Variants in DYM observed in about 807,000 individuals in gnomAD.
DYM encodes the protein dyggve-Melchior-Clausen syndrome protein.
Under a neutral mutation model 93.1 loss-of-function variants are expected in DYM, and 78 were observed. That is an observed-to-expected ratio of 0.84 (90% CI 0.70 to 1.01). The LOEUF is 1.01. DYM is among the 50% of genes least tolerant of loss of function. DYM has a pLI of 0.00. For missense variants in DYM, 789 were observed against 845.0 expected (o/e 0.93, Z 0.82); for synonymous variants, 321 against 319.7 (o/e 1.00, Z -0.04).
chr18:49,163,653 A>T, intron 15 of DYM, 32 bp downstream of exon 15: 1 of 1,530,186 alleles, frequency 6.5e-7, no homozygotes. Flanking sequence ...TGAAAGGAAA[A>T]TTTTTTATTG....
At chr18:49,331,422 A>T (rs2063296246) in intron 8 of DYM, among the ~76,000 whole-genome samples, 1 of 152,278 alleles carries the variant, frequency 6.6e-6, no homozygotes, top group South Asian at 2.1e-4. Flanking sequence ...TCTGCAAAAT[A>T]TTCAGTTGTC....
At chr18:49,162,776 T>C (rs984484023) in intron 15 of DYM, among the ~76,000 whole-genome samples, 8 of 152,152 alleles carry the variant, frequency 5.3e-5, no homozygotes, top group African/African-American at 1.4e-4. Context: ...TTCTCAGGAA[T>C]TGAGAATGAG....
At chr18:49,444,384 T>A (rs1208167449) in intron 1 of DYM, among the ~76,000 whole-genome samples, 2 of 152,180 alleles carry the variant, frequency 1.3e-5, no homozygotes, top group African/African-American at 4.8e-5. Flanking sequence ...TCAACTACTA[T>A]TGTTGCTGCA....
In DYM at chr18:49,036,866, T is replaced by TA. The variant is rs2070722571; in HGVS notation, c.*7188_*7189insT. Among the ~76,000 whole-genome samples the TA allele has an allele frequency of 6.6e-6, 1 of 152,124 alleles. No individual in the cohort carries two copies. The highest frequency in any genetic ancestry group is 2.4e-5 in the African/African-American group (1 of 41,422). On this transcript the variant is annotated 3_prime_UTR_variant, in exon 18 of 18. Transcript: ENST00000675505. ...ATTCCTCTCTCCTGCCCTTTCTCCT[T>TA]CCTTCTTTGATCAGTCTTTTAAGGG...
intron 13 of DYM, among the ~76,000 whole-genome samples, chr18:49,254,744 T>C (rs1243667292): frequency 1.3e-5 from 2 of 152,230 alleles, no homozygotes; most frequent in African/African-American, 2.4e-5. Context: ...ACAAGCTAAA[T>C]GTTCATTTAT....
chr18:49,260,854 G>A (rs112471934), intron 11 of DYM, among the ~76,000 whole-genome samples: 2,121 of 149,920 alleles, frequency 0.014, 50 homozygotes, highest in African/African-American at 0.05. Flanking sequence ...TACCATCTCC[G>A]GGAGAAAAAA....
chr18:49,396,079 T>A (rs765372815), intron 2 of DYM, among the ~76,000 whole-genome samples: 2 of 152,106 alleles, frequency 1.3e-5, no homozygotes, highest in Non-Finnish European at 2.9e-5. Flanking sequence ...ACACACCAGC[T>A]CCCCTTCACC....
intron 5 of DYM, among the ~76,000 whole-genome samples, chr18:49,377,920 G>C (rs2067665863): frequency 6.6e-6 from 1 of 152,158 alleles, no homozygotes; most frequent in Non-Finnish European, 1.5e-5. Context: ...AATCACACAG[G>C]TGACGCTGTC....
At chr18:49,406,287 T>C (rs1177582169) in intron 2 of DYM, among the ~76,000 whole-genome samples, 2 of 152,188 alleles carry the variant, frequency 1.3e-5, no homozygotes, top group African/African-American at 4.8e-5. Context: ...TGGATGTGCA[T>C]GGTGGCTCAC....
intron 17 of DYM, among the ~76,000 whole-genome samples, chr18:49,046,312 C>A (rs1401052253): frequency 1.3e-5 from 2 of 151,454 alleles, no homozygotes; most frequent in Non-Finnish European, 2.9e-5. Context: ...CGCACACACA[C>A]ACACACACCA....
intron 17 of DYM, among the ~76,000 whole-genome samples, chr18:49,049,995 C>T (rs544961020): frequency 2.0e-5 from 3 of 151,528 alleles, no homozygotes; most frequent in African/African-American, 7.3e-5. Context: ...CTTTCTCTGT[C>T]TCAGAGTCAG....
intron 13 of DYM, among the ~76,000 whole-genome samples, chr18:49,221,043 TCAAA>T (rs1464850379): frequency 6.6e-6 from 1 of 151,960 alleles, no homozygotes; most frequent in African/African-American, 2.4e-5. Flanking sequence ...TACAAAGAAC[TCAAA>T]CAAATTTACA....
intron 9 of DYM, among the ~76,000 whole-genome samples, chr18:49,282,426 A>C (rs2095011003): frequency 6.6e-6 from 1 of 152,178 alleles, no homozygotes; most frequent in South Asian, 2.1e-4. Context: ...CAGGCTGACC[A>C]ACATGGTGAA....
intron 4 of DYM, among the ~76,000 whole-genome samples, chr18:49,379,384 G>A (rs2067821794): frequency 6.6e-6 from 1 of 152,018 alleles, no homozygotes; most frequent in African/African-American, 2.4e-5. Flanking sequence ...TAATGGGGGG[G>A]AGGGGAATTA....
chr18:49,148,394 C>T (rs915532012), intron 15 of DYM, among the ~76,000 whole-genome samples: 2 of 150,604 alleles, frequency 1.3e-5, no homozygotes, highest in Non-Finnish European at 1.5e-5. Context: ...CTTTAAGATA[C>T]ATTTTAAAAA....
chr18:49,318,087 T>TA (rs2062153987), intron 8 of DYM, among the ~76,000 whole-genome samples: 1 of 152,128 alleles, frequency 6.6e-6, no homozygotes, highest in South Asian at 2.1e-4. Flanking sequence ...CTACACCTGA[T>TA]ACCCCACACC....
rs114937291 is a variant in DYM at position 49,200,618 on chromosome 18, T to C, written c.1625+8933A>G. On this transcript the variant is annotated intron_variant, in intron 14 of 17. Coordinates refer to ENST00000675505, the MANE Select transcript of DYM (RefSeq NM_001353214.3). ...TCTATTTTGTTCCTAAATATAACCC[T>C]TTCTTTAGGTTAAGTTCTTCCCTTA... Among the ~76,000 whole-genome samples, 463 of 152,144 alleles carry C rather than the reference T, an allele frequency of 3.0e-3. 3 individuals are homozygous for C. The highest frequency in any genetic ancestry group is 0.01 in the African/African-American group (427 of 41,576).
chr18:49,070,796 G>A (rs1461947312), intron 17 of DYM, among the ~76,000 whole-genome samples: 3 of 152,140 alleles, frequency 2.0e-5, no homozygotes, highest in Non-Finnish European at 4.4e-5. Context: ...TAGCTTTGTA[G>A]GAAAAGGAAT....
intron 5 of DYM, among the ~76,000 whole-genome samples, chr18:49,378,335 A>T (rs967928767): frequency 6.6e-6 from 1 of 152,214 alleles, no homozygotes; most frequent in African/African-American, 2.4e-5. Flanking sequence ...AATAAATGAA[A>T]GCTTCAACCC....
Sources: gnomAD v4.1 joint callset for allele counts (sites outside exome capture counted in the v4.1 genomes callset) on GRCh38, gnomAD v4.1.1 for gene constraint, MANE v1.5 for transcripts, NCBI Gene and HGNC (gene_info 2026-07-23, HGNC 2026-07-21) for gene names.